KIF7: variants seen among roughly 807,000 people sequenced by gnomAD.
KIF7 encodes the protein kinesin-like protein KIF7.
KIF7 carries 104 observed loss-of-function variants against 135.7 expected under a neutral mutation model. That is an observed-to-expected ratio of 0.77 (90% CI 0.65 to 0.90). The LOEUF is 0.90. Among genes scored for constraint, KIF7 ranks in the 40% least tolerant of loss-of-function variants. The probability of loss-of-function intolerance (pLI) is 0.00; values close to 1 mark genes in which losing one functional copy is unlikely to be tolerated. For synonymous variants in KIF7, 883 were observed against 809.4 expected (o/e 1.09, Z -1.54); for missense variants, 2,005 against 1,839.1 (o/e 1.09, Z -1.65).
In KIF7 at chr15:89,642,419, G is replaced by A. The variant is rs1192706784; in HGVS notation, c.2192-14C>T. ...GAGCTGCCTTTCCTGGAAGAAAGCG[G>A]GAATGTCAGCACAGGCAGCCCTGCT... On this transcript the variant is annotated splice_polypyrimidine_tract_variant and intron_variant, in intron 10 of 18. Transcript: ENST00000394412. The A allele has an allele frequency of 1.9e-6, 3 of 1,579,766 alleles. No individual in the cohort carries two copies. Among genetic ancestry groups the A allele is most frequent in the African/African-American group, 1.3e-5 (1 of 74,134 alleles).
intron 1 of KIF7, among the ~76,000 whole-genome samples, chr15:89,618,964 ATAAAAT>A (rs1436092739): frequency 5.9e-5 from 9 of 152,200 alleles, no homozygotes; most frequent in Admixed American, 4.6e-4. Context: ...TCTCTAAAAA[ATAAAAT>A]AATAAAAGTA....
chr15:89,618,360 G>A, intron 1 of KIF7: 2 of 732,090 alleles, frequency 2.7e-6, no homozygotes, highest in Non-Finnish European at 4.8e-6. Context: ...ATATTTATAA[G>A]TGAATGTTCT....
chr15:89,661,655 T>G, the KIF7 span, among the ~76,000 whole-genome samples: 13 of 152,282 alleles, frequency 8.5e-5, no homozygotes, highest in East Asian at 2.5e-3. Context: ...TAACAAGGTA[T>G]GCAGAAGTTT....
rs76757474 is a variant in KIF7 at position 89,628,165 on chromosome 15, G to T, written c.*254C>A. 8.8e-6 allele frequency: 4 copies of T among 453,294 alleles called. No homozygotes were observed. Among genetic ancestry groups the T allele is most frequent in the Non-Finnish European group, 1.6e-5 (4 of 257,818 alleles). 28.1% of individuals were successfully genotyped at this position (453,294 alleles called of 1,614,324 possible). On this transcript the variant is annotated 3_prime_UTR_variant, in exon 19 of 19. Transcript: ENST00000394412. ...TGAAACCAGAATTGTCCTGAGATTC[G>T]AGCAAGACACAAGGCGGCAATTGGG... is the stretch of plus-strand genomic sequence containing the variant.
intron 11 of KIF7, among the ~76,000 whole-genome samples, chr15:89,635,841 C>G (rs140843743): frequency 0.028 from 4,252 of 152,154 alleles, 198 homozygotes; most frequent in African/African-American, 0.097. Context: ...CACAAAGATA[C>G]TCCTCAAGAA....
chr15:89,638,606 CAAG>C (rs1963858644), intron 11 of KIF7, among the ~76,000 whole-genome samples: 1 of 151,640 alleles, frequency 6.6e-6, no homozygotes, highest in African/African-American at 2.4e-5. Flanking sequence ...AGGACCTCTT[CAAG>C]AAGAACTACA....
At chr15:89,652,414 C>G (rs1346794124) in intron 2 of KIF7, among the ~76,000 whole-genome samples, 189 bp downstream of exon 2, 1 of 152,222 alleles carries the variant, frequency 6.6e-6, no homozygotes, top group Non-Finnish European at 1.5e-5. Flanking sequence ...ACCCTTCCTT[C>G]CTGCCCTGCC....
At chr15:89,621,609 C>A in intron 1 of KIF7, 4 of 1,434,628 alleles carry the variant, frequency 2.8e-6, no homozygotes, top group South Asian at 2.6e-5. Context: ...GAGACATGGC[C>A]AAGGAACTCA....
In KIF7 at chr15:89,632,881, T is replaced by C; in HGVS notation, c.2834A>G (p.Lys945Arg). 6.2e-7 allele frequency: 1 copy of C among 1,610,514 alleles called. No homozygotes were observed. Among genetic ancestry groups the C allele is most frequent in the African/African-American group, 1.3e-5 (1 of 75,062 alleles). The change falls in exon 14 of 19, where the codon AAG becomes AGG. Residue 945 changes from lysine (K) to arginine (R), a missense_variant. Lys to Arg is a conservative substitution (Grantham distance 26). Coordinates refer to ENST00000394412, the MANE Select transcript of KIF7 (RefSeq NM_198525.3). Reference protein sequence around the residue: ...ELHKREAILAKKEALMQEKTG... With the variant: ...ELHKREAILARKEALMQEKTG... ...CTTCTCCTGCATCAGGGCCTCCTTCTTGGCCAGGATGGCCTCCCGCTTGTG... is the reference window on the plus strand; with the variant it reads ...CTTCTCCTGCATCAGGGCCTCCTTCCTGGCCAGGATGGCCTCCCGCTTGTG...
Position 89,633,008 on chromosome 15 carries a change from T to TGGGG in KIF7, c.2719-13_2719-12insCCCC. On this transcript the variant is annotated splice_polypyrimidine_tract_variant and intron_variant, in intron 13 of 18. Coordinates refer to ENST00000394412, the MANE Select transcript of KIF7 (RefSeq NM_198525.3). ...TGCTCCTCAATCTTCTAAGGAAAAGTAGGGAGGGAGGGAGGGAACTCAGGG... is the reference window on the plus strand; with the variant it reads ...TGCTCCTCAATCTTCTAAGGAAAAGTGGGGAGGGAGGGAGGGAGGGAACTCAGGG... 9.2e-7 allele frequency: 1 copy of TGGGG among 1,092,410 alleles called. No individual in the cohort carries two copies. The highest frequency in any genetic ancestry group is 1.4e-6 in the Non-Finnish European group (1 of 739,724). The allele number at this position is 1,092,410 out of a possible 1,614,324, so 67.7% of individuals were successfully genotyped here.
chr15:89,624,479 A>C, downstream of KIF7: 1 of 1,614,096 alleles, frequency 6.2e-7, no homozygotes, highest in Non-Finnish European at 8.5e-7. Flanking sequence ...AAGACCTCTG[A>C]TCCCAGAAGG....
upstream of KIF7, among the ~76,000 whole-genome samples, chr15:89,658,157 A>G (rs942921814): frequency 2.0e-5 from 3 of 152,330 alleles, no homozygotes; most frequent in Admixed American, 6.5e-5. Context: ...GTTTATTTCG[A>G]GAGAAACTCA....
At chr15:89,619,692 G>A in intron 1 of KIF7, 1 of 1,598,182 alleles carries the variant, frequency 6.3e-7, no homozygotes, top group Non-Finnish European at 8.5e-7. Context: ...TACTTACTGT[G>A]GTTCTGATTT....
In KIF7 at chr15:89,632,819, C is replaced by G. The variant is rs1160753200; in HGVS notation, c.2895+1G>C. On this transcript the variant is annotated splice_donor_variant, in intron 14 of 18. Coordinates refer to ENST00000394412, the MANE Select transcript of KIF7 (RefSeq NM_198525.3). LOFTEE classifies it high-confidence loss of function. ...CAGGATCTCTCCTGGCAGGGCCTCA[C>G]CTGGCTGGATCTCAGGCGCTTGCTC... The G allele has an allele frequency of 6.2e-7, 1 of 1,603,764 alleles. No individual in the cohort carries two copies. Among genetic ancestry groups the G allele is most frequent in the Admixed American group, 1.7e-5 (1 of 59,794 alleles).
chr15:89,641,664 G>A (rs549854267), intron 11 of KIF7, among the ~76,000 whole-genome samples: 1 of 152,286 alleles, frequency 6.6e-6, no homozygotes. Context: ...AGCTGGGCGT[G>A]GTGGCACGTG....
Position 89,645,406 on chromosome 15 carries a change from C to G in KIF7, c.1968G>C (p.Gly656=). 6.2e-7 allele frequency: 1 copy of G among 1,614,082 alleles called. No homozygotes were observed. Among genetic ancestry groups the G allele is most frequent in the African/African-American group, 1.3e-5 (1 of 75,042 alleles). The change falls in exon 9 of 19, where the codon GGG becomes GGC. Residue 656 remains glycine (G), a synonymous_variant. Transcript: ENST00000394412. Reference sequence around the variant, plus strand: ...CTGGGCCCTTCCTCTCTGGCAGACTCCCTGGGCGTGCCCCCGCCCTCTGAC... The same window carrying G: ...CTGGGCCCTTCCTCTCTGGCAGACTGCCTGGGCGTGCCCCCGCCCTCTGAC... ...NCSQRAGARP[G]SLPERKGPEL... is the part of the protein sequence containing the mutation.
chr15:89,649,411 G>A, intron 3 of KIF7, 44 bp from the exon 4 acceptor site: 1 of 1,443,398 alleles, frequency 6.9e-7, no homozygotes, highest in Non-Finnish European at 9.1e-7. Flanking sequence ...GGGGCCGCCA[G>A]ACTGACCAGC....
chr15:89,640,978 G>C (rs1963909181), intron 11 of KIF7, among the ~76,000 whole-genome samples: 1 of 152,146 alleles, frequency 6.6e-6, no homozygotes, highest in South Asian at 2.1e-4. Context: ...ACTCCAGCCT[G>C]AGCAACAGAG....
Position 89,628,750 on chromosome 15 carries a change from T to C in KIF7, c.3701A>G (p.Gln1234Arg). Residue 1234 changes from glutamine (Q) to arginine (R), a missense_variant, in exon 19 of 19, where the codon CAG (glutamine) becomes CGG (arginine). Physicochemically the swap from Gln to Arg is conservative, Grantham distance 43. Transcript: ENST00000394412. ...GAGCTCATCTTCATTTCCAGGAGCCTGTCTGCCCTCCGAGCACAGGCTCCT... is the reference window on the plus strand; with the variant it reads ...GAGCTCATCTTCATTTCCAGGAGCCCGTCTGCCCTCCGAGCACAGGCTCCT... ...EKRSLCSEGRQAPGNEDELHL... is the reference protein window; with the variant it reads ...EKRSLCSEGRRAPGNEDELHL... 1 of 1,612,602 alleles carries C rather than the reference T, an allele frequency of 6.2e-7. No individual in the cohort carries two copies. Among genetic ancestry groups the C allele is most frequent in the South Asian group, 1.1e-5 (1 of 91,084 alleles).
Sources: allele counts gnomAD v4.1 joint callset (sites outside exome capture counted in the v4.1 genomes callset), GRCh38; gene constraint gnomAD v4.1.1; transcripts MANE v1.5; gene names NCBI Gene and HGNC (gene_info 2026-07-23, HGNC 2026-07-21).